Variants in ACSM3 observed in about 807,000 individuals in gnomAD.
ACSM3 encodes acyl-CoA synthetase medium chain family member 3, also known as acyl-coenzyme A synthetase ACSM3, mitochondrial.
Under a neutral mutation model 74.1 loss-of-function variants are expected in ACSM3, and 61 were observed. The ratio of observed to expected loss-of-function variants is 0.82; its 90% CI spans 0.67 to 1.02. The LOEUF (loss-of-function observed/expected upper bound fraction) is 1.02, where lower values mean the gene tolerates loss of function less well. Ranked by LOEUF, ACSM3 falls within the 50% of genes least tolerant of loss-of-function variation. ACSM3 has a pLI of 0.00. For synonymous variants in ACSM3, 213 were observed against 241.5 expected, an observed-to-expected ratio of 0.88 and a Z score of 1.09; for missense variants, 660 against 697.0, an observed-to-expected ratio of 0.95 and a Z score of 0.60.
At chr16:20,679,788 A>G (rs2079400583) in intron 1 of ACSM3, 1 of 152,196 alleles carries the variant, frequency 6.6e-6, no homozygotes, top group Non-Finnish European at 1.5e-5. Flanking sequence ...ATAATCAGCT[A>G]TATGTATGTT....
chr16:20,736,804 A>T, intron 1 of ACSM3: 1 of 1,467,790 alleles, frequency 6.8e-7, no homozygotes, highest in Non-Finnish European at 9.3e-7. Flanking sequence ...GTTTTTAGTC[A>T]CAATTTAAGG....
chr16:20,697,266 A>G (rs2079694688), intron 1 of ACSM3, among the ~76,000 whole-genome samples: 2 of 152,126 alleles, frequency 1.3e-5, no homozygotes, highest in Admixed American at 6.5e-5. Flanking sequence ...TTCACTTTAT[A>G]GAAAGTGAGC....
intron 1 of ACSM3, among the ~76,000 whole-genome samples, chr16:20,716,039 TA>T (rs2079760441): frequency 8.8e-6 from 1 of 113,466 alleles, no homozygotes; most frequent in Non-Finnish European, 2.2e-5. Context: ...ATATGGTGGC[TA>T]AGTTACCCCC....
intron 1 of ACSM3, among the ~76,000 whole-genome samples, chr16:20,695,932 C>G (rs1434925627): frequency 6.6e-6 from 1 of 152,162 alleles, no homozygotes; most frequent in Non-Finnish European, 1.5e-5. Context: ...TAGTCATGTG[C>G]CACAATATGA....
intron 1 of ACSM3, among the ~76,000 whole-genome samples, chr16:20,718,805 C>T (rs577955183): frequency 8.5e-5 from 13 of 152,250 alleles, no homozygotes; most frequent in African/African-American, 2.2e-4. Flanking sequence ...TAAGTTTTCA[C>T]GTTACCCTAT....
Position 20,741,923 on chromosome 16 carries a change from T to C in ACSM3, c.-189-7987T>C, listed in dbSNP as rs571224585. On this transcript the variant is annotated intron_variant, in intron 1 of 3. Transcript: ENST00000561584. ...TGCAATCGTGAAAGGGGTGGAGTGA[T>C]ACCCGCCCAAGCCCCGCCTCCTGCC... 1.6e-4 allele frequency: 249 copies of C among 1,533,220 alleles called. 4 individuals carry two copies. The South Asian group carries it at 2.9e-3, about 18-fold the overall frequency. The allele number at this position is 1,533,220 out of a possible 1,614,324, so 95.0% of individuals were successfully genotyped here. A position where few individuals can be genotyped will look rare whatever the true frequency, so the allele number is the denominator to read the frequency against.
Position 20,787,775 on chromosome 16 carries a change from G to C in ACSM3, c.1224+1617G>C, listed in dbSNP as rs142229433. Among the ~76,000 whole-genome samples, 816 of 152,244 alleles carry C rather than the reference G, an allele frequency of 5.4e-3. 9 individuals carry two copies. The highest frequency in any genetic ancestry group is 0.019 in the African/African-American group (774 of 41,530). ...GCTATTCACTGTCTGAGTGTCTGTG[G>C]GTACACTGTTAAAGCTCTGTAAGTT... is the stretch of plus-strand genomic sequence containing the variant. On this transcript the variant is annotated intron_variant, in intron 9 of 13. Transcript: ENST00000289416.
chr16:20,687,944 G>A lies in ACSM3; in HGVS notation c.-190+13122G>A, dbSNP rs141762632. Among the ~76,000 whole-genome samples the A allele has an allele frequency of 2.9e-3, 438 of 152,120 alleles. 2 individuals are homozygous for A. Among genetic ancestry groups the A allele is most frequent in the African/African-American group, 9.7e-3 (402 of 41,514 alleles). On this transcript the variant is annotated intron_variant, in intron 1 of 3. Transcript: ENST00000561584. Reference sequence around the variant, plus strand: ...ATTAAAAGTACAAAAGATAAGCCAGGCATAGTTGCATGCACCTGTAATCCC... The same window carrying A: ...ATTAAAAGTACAAAAGATAAGCCAGACATAGTTGCATGCACCTGTAATCCC...
rs757021642 is a variant in ACSM3, at chr16:20,796,453, TAAAAA to T, written c.1641_1645del (p.Lys547AsnfsTer29). ...TAATAAAGGAGATTCAGGAGCATGT[TAAAAA>T]AACTACAGCACCTTACAAATATCCC... is the stretch of plus-strand genomic sequence containing the variant. On this transcript the variant is annotated frameshift_variant, in exon 13 of 14. Transcript: ENST00000289416. LOFTEE classifies it high-confidence loss of function. The T allele has an allele frequency of 6.2e-7, 1 of 1,613,744 alleles. No individual in the cohort carries two copies. Among genetic ancestry groups the T allele is most frequent in the South Asian group, 1.1e-5 (1 of 91,036 alleles).
Position 20,696,634 on chromosome 16 carries a change from G to T in ACSM3, c.-190+21812G>T, listed in dbSNP as rs2079691473. The stretch of plus-strand genomic sequence containing the variant: ...AGCATATCATTAAAGCACATCCTAT[G>T]AAATCATTTTAAAGAACAATTTTCT... On this transcript the variant is annotated intron_variant, in intron 1 of 3. Coordinates refer to the ACSM3 transcript ENST00000561584. Among the ~76,000 whole-genome samples, 4 of 152,310 alleles carry T rather than the reference G, an allele frequency of 2.6e-5. No individual in the cohort carries two copies. The South Asian group carries it at 6.2e-4, about 24-fold the overall frequency.
In ACSM3 at chr16:20,792,115, C is replaced by T. The variant is rs5711; in HGVS notation, c.1440C>T (p.Val480=). 8.2e-4 allele frequency: 1,326 copies of T among 1,614,066 alleles called. 9 individuals carry two copies. The African/African-American group carries it at 0.015, about 18-fold the overall frequency. The change falls in exon 11 of 14, where the codon GTC becomes GTT. Residue 480 remains valine (V), a synonymous_variant. Transcript: ENST00000289416. ...GGTTTGTTGCAAGAGCAGATGATGT[C>T]ATATTATCCTCTGGGTAACTTTCTT... is the stretch of plus-strand genomic sequence containing the variant. ...YFWFVARADD[V]ILSSGYRIGP...
chr16:20,676,363 A>C (rs1176726344), intron 1 of ACSM3, among the ~76,000 whole-genome samples: 1 of 152,194 alleles, frequency 6.6e-6, no homozygotes, highest in African/African-American at 2.4e-5. Flanking sequence ...AAAATCTCAG[A>C]GGTGCTCCAG....
chr16:20,737,900 T>G, intron 1 of ACSM3: 1 of 1,613,868 alleles, frequency 6.2e-7, no homozygotes, highest in Non-Finnish European at 8.5e-7. Context: ...ACTCGAGTCT[T>G]CTTTTTCTTG....
rs2080731162 is a variant in ACSM3 at position 20,796,744 on chromosome 16, C to G, written c.1675-142C>G. 2.7e-6 allele frequency: 4 copies of G among 1,505,118 alleles called. No individual in the cohort carries two copies. The South Asian group carries it at 5.3e-5, about 20-fold the overall frequency. 93.2% of individuals were successfully genotyped at this position (1,505,118 alleles called of 1,614,324 possible). Reference sequence around the variant, plus strand: ...CAACTTTCCTAACAATACCCTTTTCCCTATTTTGGCTGTTACCCAAAACCC... The same window carrying G: ...CAACTTTCCTAACAATACCCTTTTCGCTATTTTGGCTGTTACCCAAAACCC... On this transcript the variant is annotated intron_variant, in intron 13 of 13. Coordinates refer to ENST00000289416, the MANE Select transcript of ACSM3 (RefSeq NM_005622.4).
chr16:20,750,945 A>G (rs2079985110), intron 2 of ACSM3, among the ~76,000 whole-genome samples: 1 of 149,848 alleles, frequency 6.7e-6, no homozygotes, highest in Admixed American at 6.7e-5. Context: ...CACAGGTTCA[A>G]GCAATTCTCC....
At chr16:20,776,215 A>G (rs2080254301) in intron 3 of ACSM3, among the ~76,000 whole-genome samples, 166 bp downstream of exon 3, 1 of 152,200 alleles carries the variant, frequency 6.6e-6, no homozygotes. Flanking sequence ...CCTTATCCCT[A>G]GGTGGAACAT....
intron 1 of ACSM3, chr16:20,736,796 T>C (rs2079873413): frequency 2.1e-6 from 3 of 1,400,390 alleles, no homozygotes; most frequent in Non-Finnish European, 2.0e-6. Context: ...AAAAAACTGT[T>C]TTTAGTCACA....
chr16:20,693,781 C>A (rs1341703026), intron 1 of ACSM3, among the ~76,000 whole-genome samples: 1 of 152,194 alleles, frequency 6.6e-6, no homozygotes, highest in African/African-American at 2.4e-5. Flanking sequence ...AAATCTCTAA[C>A]CTAGGCCAAC....
chr16:20,737,268 T>TTGG, intron 1 of ACSM3: 1 of 1,613,190 alleles, frequency 6.2e-7, no homozygotes, highest in Non-Finnish European at 8.5e-7. Flanking sequence ...ATTTTCTGAA[T>TTGG]TGAGGGTGCA....
Sources: allele counts gnomAD v4.1 joint callset (sites outside exome capture counted in the v4.1 genomes callset), GRCh38; gene constraint gnomAD v4.1.1; transcripts MANE v1.5; gene names NCBI Gene and HGNC (gene_info 2026-07-23, HGNC 2026-07-21).